TLN2: variants seen among roughly 807,000 people sequenced by gnomAD.
TLN2 encodes the protein talin-2.
In TLN2, 118 loss-of-function variants were observed where a neutral mutation model predicts 294.7. The ratio of observed to expected loss-of-function variants is 0.40; its 90% CI spans 0.34 to 0.47. TLN2 has a LOEUF of 0.47. TLN2 is among the 20% of genes least tolerant of loss of function. TLN2 has a pLI of 0.84. For synonymous variants in TLN2, 1,431 were observed against 1,304.5 expected, an observed-to-expected ratio of 1.10 and a Z score of -2.09; for missense variants, 3,083 against 3,282.2, an observed-to-expected ratio of 0.94 and a Z score of 1.48.
chr15:62,450,800 G>C (rs1488286844), intron 1 of TLN2, among the ~76,000 whole-genome samples: 4 of 151,914 alleles, frequency 2.6e-5, no homozygotes, highest in Admixed American at 1.3e-4. Flanking sequence ...CGAACTCCTG[G>C]GCTCAAGCTG....
In TLN2 at chr15:62,753,904, C is replaced by A; in HGVS notation, c.4464C>A (p.Ser1488Arg). ...GCCAGAACTTGGTGGACCCTGGCAGCAGCCCATCACAGGTAACTGTTGGGG... is the reference window on the plus strand; with the variant it reads ...GCCAGAACTTGGTGGACCCTGGCAGAAGCCCATCACAGGTAACTGTTGGGG... ...MACQNLVDPG[S>R]SPSQVLSAAT... The change falls in exon 36 of 59, where the codon AGC (serine) becomes AGA (arginine). Residue 1488 changes from serine to arginine, a missense_variant. Physicochemically the swap from Ser to Arg is moderately radical, Grantham distance 110. Coordinates refer to ENST00000636159, the MANE Select transcript of TLN2 (RefSeq NM_015059.3). 1 of 1,603,762 alleles carries A rather than the reference C, an allele frequency of 6.2e-7. No homozygotes were observed. Among genetic ancestry groups the A allele is most frequent in the Non-Finnish European group, 8.5e-7 (1 of 1,174,944 alleles).
At chr15:62,793,703 C>T (rs568087786) in intron 46 of TLN2, among the ~76,000 whole-genome samples, 1 of 152,080 alleles carries the variant, frequency 6.6e-6, no homozygotes, top group South Asian at 2.1e-4. Context: ...CTTTTTGTCT[C>T]GGAATCATTT....
intron 1 of TLN2, among the ~76,000 whole-genome samples, chr15:62,576,212 C>T (rs552375265): frequency 5.3e-4 from 80 of 151,318 alleles, no homozygotes; most frequent in African/African-American, 1.4e-3. Context: ...AAGTTGTGCT[C>T]GAGATCACGC....
At chr15:62,563,795 A>G (rs940812143) in intron 1 of TLN2, among the ~76,000 whole-genome samples, 1 of 152,152 alleles carries the variant, frequency 6.6e-6, no homozygotes, top group Non-Finnish European at 1.5e-5. Context: ...TCCTCTGGGA[A>G]GCCTTCTGTG....
chr15:62,737,177 T>A, intron 29 of TLN2, 91 bp downstream of exon 29: 1 of 1,316,410 alleles, frequency 7.6e-7, no homozygotes, highest in Non-Finnish European at 1.1e-6. Flanking sequence ...TTCCCTGATA[T>A]GAACACTGAC....
intron 1 of TLN2, among the ~76,000 whole-genome samples, chr15:62,492,330 G>A (rs1387878099): frequency 1.3e-5 from 2 of 151,768 alleles, no homozygotes; most frequent in African/African-American, 2.4e-5. Context: ...ACGCCAAGGC[G>A]GGTGGATCAC....
At chr15:62,833,971 G>A (rs145527964) in intron 55 of TLN2, 14 of 175,424 alleles carry the variant, frequency 8.0e-5, no homozygotes, top group South Asian at 7.7e-4. Flanking sequence ...TAGAAGCACC[G>A]CATTCGGCGG....
chr15:62,751,958 C>T (rs1423033516), intron 34 of TLN2, among the ~76,000 whole-genome samples: 1 of 152,194 alleles, frequency 6.6e-6, no homozygotes, highest in African/African-American at 2.4e-5. Context: ...ATTATGACCT[C>T]ACCTACAGCT....
chr15:62,488,450 A>G (rs2038529670), intron 1 of TLN2, among the ~76,000 whole-genome samples: 1 of 152,200 alleles, frequency 6.6e-6, no homozygotes, highest in Non-Finnish European at 1.5e-5. Flanking sequence ...CAAGGGCAGT[A>G]ATTATAGATT....
At chr15:62,457,964 T>C (rs2036574389) in intron 1 of TLN2, among the ~76,000 whole-genome samples, 1 of 152,202 alleles carries the variant, frequency 6.6e-6, no homozygotes, top group South Asian at 2.1e-4. Flanking sequence ...TTGGGATGGT[T>C]TGGAAGCAAC....
At chr15:62,501,390 C>T (rs1249762837) in intron 1 of TLN2, among the ~76,000 whole-genome samples, 2 of 152,164 alleles carry the variant, frequency 1.3e-5, no homozygotes, top group Non-Finnish European at 1.5e-5. Context: ...TCATGACTGG[C>T]CATTGAGAAC....
At chr15:62,831,278 G>C (rs1462024903) in intron 54 of TLN2, 1 of 152,042 alleles carries the variant, frequency 6.6e-6, no homozygotes. Context: ...TGAGGCAAGA[G>C]CGTGAGAGAC....
rs200637979 is a variant in TLN2, at chr15:62,722,471, G to A, written c.3110G>A (p.Arg1037His). The A allele has an allele frequency of 2.0e-5, 32 of 1,611,450 alleles. No individual in the cohort carries two copies. The highest frequency in any genetic ancestry group is 4.1e-4 in the Middle Eastern group (2 of 4,938). Residue 1037 changes from arginine (R) to histidine (H), a missense_variant, in exon 26 of 59, where the codon CGT becomes CAT. Transcript: ENST00000636159. ...CTGGCCACCAGCTTGGCGGAGCTGC[G>A]TACCGCCTCGCAGAAGGCAAGTGGA... ...KNLATSLAEL[R>H]TASQKAHEAC...
chr15:62,624,021 A>G (rs1596377540), intron 3 of TLN2, among the ~76,000 whole-genome samples: 1 of 152,192 alleles, frequency 6.6e-6, no homozygotes, highest in Non-Finnish European at 1.5e-5. Context: ...ATCCTTAACT[A>G]CAGAGGAGCA....
intron 1 of TLN2, among the ~76,000 whole-genome samples, chr15:62,459,295 C>A (rs930375997): frequency 1.8e-5 from 2 of 110,072 alleles, no homozygotes; most frequent in Non-Finnish European, 3.6e-5. Flanking sequence ...CCACCACGCT[C>A]GGCCTTTTTT....
chr15:62,527,134 G>A (rs1026213832), intron 1 of TLN2, among the ~76,000 whole-genome samples: 3 of 152,204 alleles, frequency 2.0e-5, no homozygotes, highest in African/African-American at 7.2e-5. Context: ...TTTTGAGATT[G>A]TAGGTGAGGA....
chr15:62,466,805 T>G (rs974316977), intron 1 of TLN2, among the ~76,000 whole-genome samples: 3 of 152,230 alleles, frequency 2.0e-5, no homozygotes, highest in Non-Finnish European at 4.4e-5. Flanking sequence ...TTGATTTTGG[T>G]TTTATTTTCA....
At chr15:62,764,022 G>A (rs531524308) in intron 40 of TLN2, among the ~76,000 whole-genome samples, 1 of 152,324 alleles carries the variant, frequency 6.6e-6, no homozygotes, top group Non-Finnish European at 1.5e-5. Context: ...CATCAGTAGA[G>A]TGGACCTAGG....
chr15:62,425,063 C>A (rs1478666794), intron 1 of TLN2, among the ~76,000 whole-genome samples: 1 of 149,988 alleles, frequency 6.7e-6, no homozygotes, highest in Non-Finnish European at 1.5e-5. Flanking sequence ...AGTGATTCTC[C>A]TGCCTCAGCC....
Sources: allele counts gnomAD v4.1 joint callset (sites outside exome capture counted in the v4.1 genomes callset), GRCh38; gene constraint gnomAD v4.1.1; transcripts MANE v1.5; gene names NCBI Gene and HGNC (gene_info 2026-07-23, HGNC 2026-07-21).